Variants in AGAP1 observed in about 807,000 individuals in gnomAD.
AGAP1 encodes the protein ArfGAP with GTPase domain, ankyrin repeat and PH domain 1, also known as arf-GAP with GTPase, ANK repeat and PH domain-containing protein 1.
AGAP1 carries 29 observed loss-of-function variants against 105.3 expected under a neutral mutation model. The ratio of observed to expected loss-of-function variants is 0.28; its 90% CI spans 0.21 to 0.38. The LOEUF is 0.38. Ranked by LOEUF, AGAP1 falls within the 10% of genes least tolerant of loss-of-function variation. The probability of loss-of-function intolerance (pLI) is 1.00; values close to 1 mark genes in which losing one functional copy is unlikely to be tolerated. For synonymous variants in AGAP1, 509 were observed against 485.9 expected, an observed-to-expected ratio of 1.05 and a Z score of -0.63; for missense variants, 998 against 1,165.1, an observed-to-expected ratio of 0.86 and a Z score of 2.09.
At position 236,014,421 on chromosome 2, in the gene AGAP1, G is replaced by T. The variant is rs980423343; in HGVS notation, c.1646-22140G>T. 6.6e-6 allele frequency among the ~76,000 whole-genome samples: 1 copy of T among 152,230 alleles called. No individual in the cohort carries two copies. The highest frequency in any genetic ancestry group is 2.4e-5 in the African/African-American group (1 of 41,466). The stretch of plus-strand genomic sequence containing the variant: ...TCCTAATATTTGGCCGAATCAAAGG[G>T]CTTGTGGCGACTGGCATCATAGCTC... On this transcript the variant is annotated intron_variant, in intron 13 of 17. Coordinates refer to ENST00000304032, the MANE Select transcript of AGAP1 (RefSeq NM_001037131.3). The surrounding 1 kb of genome is among the most constrained non-coding windows in gnomAD (Gnocchi z 6.3).
rs978298831 is a variant in AGAP1, at chr2:235,866,151, G to A, written c.1051-17194G>A. Among the ~76,000 whole-genome samples the A allele has an allele frequency of 6.6e-6, 1 of 152,156 alleles. No homozygotes were observed. The highest frequency in any genetic ancestry group is 6.5e-5 in the Admixed American group (1 of 15,286). On this transcript the variant is annotated intron_variant, in intron 9 of 17. Coordinates refer to ENST00000304032, the MANE Select transcript of AGAP1 (RefSeq NM_001037131.3). The surrounding 1 kb of genome is among the most constrained non-coding windows in gnomAD (Gnocchi z 6.1). ...GGCAGCAGCATGCGATGCCCTGTGCGCATCTTTATTTTTGGTTTTAGATTT... is the reference window on the plus strand; with the variant it reads ...GGCAGCAGCATGCGATGCCCTGTGCACATCTTTATTTTTGGTTTTAGATTT...
chr2:235,606,231 T>C (rs1250648327), intron 1 of AGAP1, among the ~76,000 whole-genome samples: 1 of 152,190 alleles, frequency 6.6e-6, no homozygotes, highest in African/African-American at 2.4e-5. Flanking sequence ...GCGGCTGCCC[T>C]TTTTTAACCC....
At chr2:235,918,884 T>C (rs917628848) in intron 11 of AGAP1, among the ~76,000 whole-genome samples, 1 of 152,078 alleles carries the variant, frequency 6.6e-6, no homozygotes, top group Admixed American at 6.6e-5. Context: ...AGTGGAGTGT[T>C]CTTTTCTGAA....
chr2:235,702,507 T>C (rs1342675285), intron 1 of AGAP1, among the ~76,000 whole-genome samples: 3 of 152,320 alleles, frequency 2.0e-5, no homozygotes, highest in African/African-American at 7.2e-5. Flanking sequence ...TCCTTGACCA[T>C]AGTCCTTGGG....
At position 235,705,846 on chromosome 2, in the gene AGAP1, C is replaced by T. The variant is rs1026222501; in HGVS notation, c.164-3333C>T. Among the ~76,000 whole-genome samples, 2 of 152,118 alleles carry T rather than the reference C, an allele frequency of 1.3e-5. No individual in the cohort carries two copies. The highest frequency in any genetic ancestry group is 2.9e-5 in the Non-Finnish European group (2 of 68,030). ...TTGTTCCAATGTTTATATAATCATG[C>T]ATCTTTGTTTAATGGAGCACTGCTT... On this transcript the variant is annotated intron_variant, in intron 1 of 17. Transcript: ENST00000304032. The surrounding 1 kb of genome is among the most constrained non-coding windows in gnomAD (Gnocchi z 4.9).
At chr2:235,785,491 A>T (rs1956569709) in intron 6 of AGAP1, among the ~76,000 whole-genome samples, 1 of 152,160 alleles carries the variant, frequency 6.6e-6, no homozygotes, top group Non-Finnish European at 1.5e-5. Flanking sequence ...CCTTCTTTAG[A>T]ACTCTTGCGT....
At chr2:235,862,864 T>C (rs1476873233) in intron 9 of AGAP1, among the ~76,000 whole-genome samples, 4 of 152,198 alleles carry the variant, frequency 2.6e-5, no homozygotes, top group Non-Finnish European at 1.5e-5. Flanking sequence ...CGTGCGTGCA[T>C]TGAGACTGTT....
At chr2:235,668,555 T>C (rs1051020745) in intron 1 of AGAP1, among the ~76,000 whole-genome samples, 10 of 152,210 alleles carry the variant, frequency 6.6e-5, no homozygotes, top group African/African-American at 2.4e-4. Context: ...TAGGGGACAT[T>C]GTATTTTTCC....
chr2:235,786,747 G>A (rs979268456), intron 6 of AGAP1, among the ~76,000 whole-genome samples: 19 of 152,188 alleles, frequency 1.2e-4, no homozygotes, highest in African/African-American at 4.3e-4. Flanking sequence ...GCCCTGTGAC[G>A]AGAAGAGCAC....
At chr2:235,512,072 T>G (rs1942163215) in intron 1 of AGAP1, among the ~76,000 whole-genome samples, 1 of 130,742 alleles carries the variant, frequency 7.6e-6, no homozygotes, top group Non-Finnish European at 1.6e-5. Flanking sequence ...TATGTGTGAA[T>G]GTGAATGCGT....
chr2:235,527,810 C>T (rs1942898486), intron 1 of AGAP1, among the ~76,000 whole-genome samples: 1 of 152,218 alleles, frequency 6.6e-6, no homozygotes, highest in Admixed American at 6.6e-5. Flanking sequence ...TCTGTCATTA[C>T]AGATGTGCTT....
At chr2:235,640,273 TG>T (rs1947147323) in intron 1 of AGAP1, among the ~76,000 whole-genome samples, 1 of 152,242 alleles carries the variant, frequency 6.6e-6, no homozygotes, top group Non-Finnish European at 1.5e-5. Flanking sequence ...TCCCTAGCTC[TG>T]GCTTGTTTTA....
intron 1 of AGAP1, among the ~76,000 whole-genome samples, chr2:235,565,395 T>C (rs1944316370): frequency 6.6e-6 from 1 of 152,226 alleles, no homozygotes; most frequent in Non-Finnish European, 1.5e-5. Flanking sequence ...TTTATAGGAA[T>C]GAAGGGGGTA....
chr2:235,730,959 A>T (rs968578040), intron 3 of AGAP1, among the ~76,000 whole-genome samples: 1 of 152,064 alleles, frequency 6.6e-6, no homozygotes, highest in Non-Finnish European at 1.5e-5. Context: ...GCCTGCCTGC[A>T]GCTTACCCCC....
intron 1 of AGAP1, among the ~76,000 whole-genome samples, chr2:235,651,109 A>G (rs1235045275): frequency 1.4e-5 from 2 of 145,810 alleles, no homozygotes; most frequent in African/African-American, 2.5e-5. Context: ...TGAACCCGAG[A>G]GGCAGAGGTT....
rs2054979298 is a variant in AGAP1, at chr2:235,979,072, AGATT to A, written c.1645+10453_1645+10456del. Among the ~76,000 whole-genome samples, 1 of 151,420 alleles carries A rather than the reference AGATT, an allele frequency of 6.6e-6. No homozygotes were observed. The highest frequency in any genetic ancestry group is 2.1e-4 in the South Asian group (1 of 4,804). On this transcript the variant is annotated intron_variant, in intron 13 of 17. Coordinates refer to ENST00000304032, the MANE Select transcript of AGAP1 (RefSeq NM_001037131.3). This position sits in a 1 kb window ranked among gnomAD's most constrained non-coding sequence, Gnocchi z 4.5. The stretch of plus-strand genomic sequence containing the variant: ...GAACCCAGTTTTTCTGTTCATTTTA[AGATT>A]GATATGCTTTTTCTTTTTTTGGATG...
Position 235,900,879 on chromosome 2 carries a change from G to C in AGAP1, c.1156-7859G>C, listed in dbSNP as rs1028583817. Among the ~76,000 whole-genome samples the C allele has an allele frequency of 5.9e-5, 9 of 152,206 alleles. No individual in the cohort carries two copies. The highest frequency in any genetic ancestry group is 2.2e-4 in the African/African-American group (9 of 41,436). On this transcript the variant is annotated intron_variant, in intron 10 of 17. Transcript: ENST00000304032. The surrounding 1 kb of genome is among the most constrained non-coding windows in gnomAD (Gnocchi z 5.5). ...AGGTAGTCTTCAGGAACGCAGTTCT[G>C]AAAGTGAAACACTGGAATGCTTTTG...
intron 1 of AGAP1, among the ~76,000 whole-genome samples, chr2:235,641,738 A>G (rs963191534): frequency 2.0e-5 from 3 of 152,246 alleles, no homozygotes; most frequent in African/African-American, 7.2e-5. Context: ...TTACCACACT[A>G]TAGGATATAA....
intron 1 of AGAP1, among the ~76,000 whole-genome samples, chr2:235,514,788 A>G (rs930321351): frequency 6.6e-6 from 1 of 152,226 alleles, no homozygotes; most frequent in African/African-American, 2.4e-5. Flanking sequence ...CCAGGACTGG[A>G]CACGTGGTGA....
Sources: gnomAD v4.1 joint callset for allele counts (sites outside exome capture counted in the v4.1 genomes callset) on GRCh38, gnomAD v4.1.1 for gene constraint, Gnocchi (gnomAD v3.1) non-coding constraint, MANE v1.5 for transcripts, NCBI Gene and HGNC (gene_info 2026-07-23, HGNC 2026-07-21) for gene names.